DEAF1: variants seen among roughly 807,000 people sequenced by gnomAD.
The protein encoded by DEAF1 is deformed epidermal autoregulatory factor 1 homolog.
Under a neutral mutation model 58.9 loss-of-function variants are expected in DEAF1, and 53 were observed. That is an observed-to-expected ratio of 0.90 (90% CI 0.72 to 1.13). The LOEUF (loss-of-function observed/expected upper bound fraction) is 1.13, where lower values mean the gene tolerates loss of function less well. Among genes scored for constraint, DEAF1 ranks in the 50% most tolerant of loss-of-function variants. The probability of loss-of-function intolerance (pLI) is 0.00; values close to 1 mark genes in which losing one functional copy is unlikely to be tolerated. For missense variants in DEAF1, 685 were observed against 791.4 expected (o/e 0.87, Z 1.61); for synonymous variants, 385 against 340.4 (o/e 1.13, Z -1.44).
chr11:701,406 C>CT (rs71022955), intron 1 of DEAF1, among the ~76,000 whole-genome samples: 6,709 of 65,002 alleles, frequency 0.1, 736 homozygotes, highest in South Asian at 0.21. Context: ...GACAAGGTTT[C>CT]TTTTTTTTTT....
chr11:668,856 C>T (rs1859675603), intron 10 of DEAF1, among the ~76,000 whole-genome samples: 1 of 152,084 alleles, frequency 6.6e-6, no homozygotes, highest in African/African-American at 2.4e-5. Flanking sequence ...GACAGAGTCT[C>T]GCTCTGTAGC....
upstream of DEAF1, chr11:700,103 C>T: frequency 6.3e-7 from 1 of 1,589,030 alleles, no homozygotes; most frequent in Non-Finnish European, 8.6e-7. Flanking sequence ...AGGCTGCTCC[C>T]AAGCCTGTTG....
intron 11 of DEAF1, chr11:646,580 C>CAGGAGTCCGCA (rs1858511042): frequency 6.6e-6 from 1 of 152,220 alleles, no homozygotes; most frequent in African/African-American, 2.4e-5. Context: ...GGAGAGAGGG[C>CAGGAGTCCGCA]GCACATCAGT....
chr11:699,771 C>CA (rs2133460570), upstream of DEAF1: 1 of 187,172 alleles, frequency 5.3e-6, no homozygotes, highest in East Asian at 1.4e-4. Context: ...AAGAAAATGA[C>CA]AAAGTTATTT....
At chr11:645,407 C>G (rs2133264274) in intron 11 of DEAF1, among the ~76,000 whole-genome samples, 1 of 152,118 alleles carries the variant, frequency 6.6e-6, no homozygotes, top group East Asian at 1.9e-4. Context: ...ACCTCTGCCT[C>G]CTGGGTTCAA....
intron 10 of DEAF1, among the ~76,000 whole-genome samples, chr11:661,273 C>G (rs963183272): frequency 6.6e-6 from 1 of 152,178 alleles, no homozygotes; most frequent in Non-Finnish European, 1.5e-5. Flanking sequence ...CCCTTGACAG[C>G]CAAGGGCATC....
chr11:701,536 G>A (rs1046365929), intron 1 of DEAF1, among the ~76,000 whole-genome samples: 13 of 149,568 alleles, frequency 8.7e-5, no homozygotes, highest in East Asian at 2.0e-4. Context: ...TCAGCCTCCC[G>A]AGTAACTGGG....
chr11:674,724 G>A lies in DEAF1; in HGVS notation c.1315C>T (p.Pro439Ser). 1 of 1,613,856 alleles carries A rather than the reference G, an allele frequency of 6.2e-7. No individual in the cohort carries two copies. ...PPPTPTKAAP[P>S]ALVNGLELSE... ...AGCTCCAGCCCATTGACCAACGCGG[G>A]AGGTGCCGCTTTGGTGGGAGTCGGG... Residue 439 changes from proline to serine, a missense_variant, in exon 10 of 12, where the codon CCC (proline) becomes TCC (serine). Transcript: ENST00000382409.
chr11:694,790 G>A lies in DEAF1; in HGVS notation c.258C>T (p.Pro86=). Residue 86 remains proline, a synonymous_variant, in exon 1 of 12, where the codon CCC becomes CCT. Transcript: ENST00000382409. The part of the protein sequence containing the change: ...MDMGAEALPG[P]DEAAAAAAFA... ...AGGCTGCGGCAGCGGCGGCCTCGTC[G>A]GGGCCGGGCAGGGCCTCGGCGCCCA... 1 of 1,359,304 alleles carries A rather than the reference G, an allele frequency of 7.4e-7. No individual in the cohort carries two copies. The highest frequency in any genetic ancestry group is 9.4e-7 in the Non-Finnish European group (1 of 1,060,160). The allele number at this position is 1,359,304 out of a possible 1,614,324, so 84.2% of individuals were successfully genotyped here. A position where few individuals can be genotyped will look rare whatever the true frequency, so the allele number is the denominator to read the frequency against.
chr11:688,390 G>C lies in DEAF1; in HGVS notation c.458C>G (p.Thr153Arg). 1 of 1,613,980 alleles carries C rather than the reference G, an allele frequency of 6.2e-7. No individual in the cohort carries two copies. The highest frequency in any genetic ancestry group is 8.5e-7 in the Non-Finnish European group (1 of 1,180,046). Residue 153 changes from threonine (T) to arginine (R), a missense_variant, in exon 3 of 12, where the codon ACA (threonine) becomes AGA (arginine). Thr to Arg is a moderately conservative substitution (Grantham distance 71). This residue lies in a region of DEAF1 where 132 missense variants were observed against 234.3 expected (regional missense o/e 0.56). Coordinates refer to ENST00000382409, the MANE Select transcript of DEAF1 (RefSeq NM_021008.4). The surrounding 1 kb of genome is among the most constrained non-coding windows in gnomAD (Gnocchi z 4.3). ...GGTGGTCTCCACGATGCTCCCATCT[G>C]TGTGGACGACAATCAGTGTCGCTTT... ...TEKATLIVVH[T>R]DGSIVETTGL...
chr11:681,181 G>T, intron 6 of DEAF1, 92 bp from the exon 7 acceptor site: 1 of 1,563,574 alleles, frequency 6.4e-7, no homozygotes, highest in Non-Finnish European at 8.8e-7. Flanking sequence ...ACCGCGGGGT[G>T]TGTGAGTCAC....
intron 2 of DEAF1, among the ~76,000 whole-genome samples, chr11:691,240 T>C (rs11246267): frequency 0.19 from 28,740 of 152,280 alleles, 3,556 homozygotes; most frequent in African/African-American, 0.36. Flanking sequence ...TGGGAGTCCC[T>C]GCCCAACGCA....
Position 644,361 on chromosome 11 carries a change from C to T in DEAF1, c.*189G>A, listed in dbSNP as rs370732728. ...TCTGTCCGCGAGCGGGCAGGGGGCCCGGGCAGGGGGAGTGCGCTTCCCAGG... is the reference window on the plus strand; with the variant it reads ...TCTGTCCGCGAGCGGGCAGGGGGCCTGGGCAGGGGGAGTGCGCTTCCCAGG... On this transcript the variant is annotated 3_prime_UTR_variant, in exon 12 of 12. Transcript: ENST00000382409. The surrounding 1 kb of genome is among the most constrained non-coding windows in gnomAD (Gnocchi z 4.3). The T allele has an allele frequency of 1.1e-5, 7 of 637,254 alleles. No homozygotes were observed. The highest frequency in any genetic ancestry group is 9.4e-5 in the Admixed American group (4 of 42,364). The allele number at this position is 637,254 out of a possible 1,614,324, so 39.5% of individuals were successfully genotyped here.
upstream of DEAF1, among the ~76,000 whole-genome samples, chr11:698,168 C>T (rs150098899): frequency 1.2e-4 from 19 of 152,262 alleles, no homozygotes; most frequent in African/African-American, 4.6e-4. Flanking sequence ...CTGGCCTGAG[C>T]CCTTTTCAGA....
intron 6 of DEAF1, among the ~76,000 whole-genome samples, chr11:683,702 G>A (rs969693528): frequency 6.6e-6 from 1 of 152,112 alleles, no homozygotes; most frequent in Non-Finnish European, 1.5e-5. Context: ...TTAAACCTAC[G>A]AATCAACTTG....
intron 1 of DEAF1, among the ~76,000 whole-genome samples, chr11:701,280 A>G (rs941028043): frequency 1.0e-4 from 15 of 149,026 alleles, no homozygotes; most frequent in African/African-American, 3.7e-4. Context: ...CCTGGGCTTG[A>G]GCGATCCTCC....
At position 644,562 on chromosome 11, in the gene DEAF1, C is replaced by T. The variant is rs2133262007; in HGVS notation, c.1686G>A (p.Lys562=). The change falls in exon 12 of 12, where the codon AAG becomes AAA. Residue 562 remains lysine (K), a synonymous_variant. Coordinates refer to ENST00000382409, the MANE Select transcript of DEAF1 (RefSeq NM_021008.4). The surrounding 1 kb of genome is among the most constrained non-coding windows in gnomAD (Gnocchi z 4.3). ...GGCCGATGGAGCCTCACACGGTCAC[C>T]TTCTCCATCACGCTTTCAGCCACGT... The part of the protein sequence containing the change: ...EVHVAESVME[K]VTV The T allele has an allele frequency of 9.9e-6, 16 of 1,612,894 alleles. No individual in the cohort carries two copies. The highest frequency in any genetic ancestry group is 1.4e-5 in the Non-Finnish European group (16 of 1,179,916).
At chr11:706,199 G>A (rs1004001618) in intron 1 of DEAF1, 1 of 152,140 alleles carries the variant, frequency 6.6e-6, no homozygotes, top group South Asian at 2.0e-4. Flanking sequence ...ACCCGCCCGC[G>A]GGAGACCTGG....
At chr11:650,280 A>C (rs191092194) in intron 11 of DEAF1, among the ~76,000 whole-genome samples, 3 of 147,040 alleles carry the variant, frequency 2.0e-5, no homozygotes, top group African/African-American at 7.5e-5. Context: ...AGGCTGAGCT[A>C]TGAGAATCAC....
Sources: allele counts gnomAD v4.1 joint callset (sites outside exome capture counted in the v4.1 genomes callset), GRCh38; gene constraint gnomAD v4.1.1; regional missense constraint gnomAD v4.1.1; non-coding constraint Gnocchi (gnomAD v3.1); transcripts MANE v1.5; gene names NCBI Gene and HGNC (gene_info 2026-07-23, HGNC 2026-07-21).